COL22A1: variants seen among roughly 807,000 people sequenced by gnomAD.
COL22A1 encodes collagen alpha-1(XXII) chain.
In COL22A1, 221 loss-of-function variants were observed where a neutral mutation model predicts 248.9. The observed-to-expected ratio is 0.89, with a 90% CI of 0.80 to 0.99. COL22A1 has a LOEUF of 0.99. Among genes scored for constraint, COL22A1 ranks in the 50% least tolerant of loss-of-function variants. The pLI, the probability that COL22A1 is intolerant of heterozygous loss-of-function variation, is 0.00. For synonymous variants in COL22A1, 891 were observed against 793.4 expected (o/e 1.12, Z -2.07); for missense variants, 2,240 against 2,179.0 (o/e 1.03, Z -0.56).
intron 41 of COL22A1, among the ~76,000 whole-genome samples, chr8:138,668,677 C>G (rs1474138673): frequency 1.3e-5 from 2 of 152,184 alleles, no homozygotes; most frequent in East Asian, 1.9e-4. Flanking sequence ...TCTCCGTAAT[C>G]TTTGATCTGA....
intron 11 of COL22A1, 29 bp from the exon 12 acceptor site, chr8:138,796,886 A>T: frequency 1.4e-6 from 2 of 1,460,344 alleles, no homozygotes; most frequent in Non-Finnish European, 1.9e-6. Context: ...GCAAAGATTC[A>T]CTACAGAGCA....
intron 59 of COL22A1, among the ~76,000 whole-genome samples, chr8:138,603,259 T>A (rs557531955): frequency 1.3e-5 from 2 of 152,258 alleles, no homozygotes; most frequent in South Asian, 4.2e-4. Flanking sequence ...TGGGCATGAG[T>A]TGATTCTAAC....
chr8:138,761,846 C>A (rs1833508543), intron 17 of COL22A1, among the ~76,000 whole-genome samples: 1 of 152,194 alleles, frequency 6.6e-6, no homozygotes, highest in East Asian at 1.9e-4. Context: ...GCAAGGTTAT[C>A]ATCGTCTTAT....
chr8:138,804,836 G>T (rs1362339104), intron 10 of COL22A1, among the ~76,000 whole-genome samples: 1 of 150,804 alleles, frequency 6.6e-6, no homozygotes, highest in South Asian at 2.1e-4. Context: ...TGGGGTGTGT[G>T]TGTGCATACG....
chr8:138,729,191 C>T (rs1830532470), intron 23 of COL22A1, among the ~76,000 whole-genome samples: 1 of 152,096 alleles, frequency 6.6e-6, no homozygotes, highest in Non-Finnish European at 1.5e-5. Context: ...GGATACAGCA[C>T]CCTGATCCCT....
chr8:138,886,158 G>A (rs1476887737), intron 1 of COL22A1, among the ~76,000 whole-genome samples: 2 of 152,158 alleles, frequency 1.3e-5, no homozygotes, highest in Non-Finnish European at 2.9e-5. Context: ...ATGAATGAGT[G>A]GATGAATGAA....
chr8:138,844,602 G>C (rs1821102269), intron 3 of COL22A1, among the ~76,000 whole-genome samples: 1 of 152,164 alleles, frequency 6.6e-6, no homozygotes, highest in Non-Finnish European at 1.5e-5. Flanking sequence ...GTAAGATTTA[G>C]CCTGATAGAC....
At chr8:138,831,198 C>A (rs1006102174) in intron 5 of COL22A1, among the ~76,000 whole-genome samples, 3 of 152,088 alleles carry the variant, frequency 2.0e-5, no homozygotes, top group Non-Finnish European at 4.4e-5. Flanking sequence ...ATTAAAAAAA[C>A]AAAAAGGATC....
At chr8:138,748,806 T>G (rs887007398) in intron 22 of COL22A1, among the ~76,000 whole-genome samples, 2 of 152,212 alleles carry the variant, frequency 1.3e-5, no homozygotes, top group African/African-American at 2.4e-5. Context: ...CTGAAGATGA[T>G]GGCAGTCACC....
chr8:138,703,669 G>C (rs1223169680), intron 30 of COL22A1, among the ~76,000 whole-genome samples: 2 of 152,138 alleles, frequency 1.3e-5, no homozygotes, highest in Admixed American at 6.5e-5. Context: ...GGGATCCAAG[G>C]TGGCTGAATA....
intron 3 of COL22A1, among the ~76,000 whole-genome samples, chr8:138,860,966 C>A (rs1183157953): frequency 6.6e-6 from 1 of 152,186 alleles, no homozygotes; most frequent in Non-Finnish European, 1.5e-5. Flanking sequence ...GGGAACTTCC[C>A]TCCATCTCCA....
intron 25 of COL22A1, 61 bp downstream of exon 25, chr8:138,724,554 C>T (rs1830150975): frequency 2.0e-6 from 3 of 1,521,140 alleles, no homozygotes; most frequent in African/African-American, 1.4e-5. Context: ...GGGCTCAGTG[C>T]TCCCCCCAGA....
At chr8:138,769,742 T>C (rs1007285682) in intron 16 of COL22A1, among the ~76,000 whole-genome samples, 2 of 152,188 alleles carry the variant, frequency 1.3e-5, no homozygotes, top group Admixed American at 6.5e-5. Context: ...TAAATACTTA[T>C]CACAGTCACT....
At chr8:138,848,224 G>T (rs370791585) in intron 3 of COL22A1, among the ~76,000 whole-genome samples, 14 of 152,178 alleles carry the variant, frequency 9.2e-5, no homozygotes, top group East Asian at 7.7e-4. Flanking sequence ...TAATGACAAA[G>T]ACACTGCTTC....
intron 3 of COL22A1, among the ~76,000 whole-genome samples, chr8:138,865,837 GT>G (rs1333340888): frequency 6.6e-6 from 1 of 151,310 alleles, no homozygotes; most frequent in Non-Finnish European, 1.5e-5. Context: ...GTGTGTATAT[GT>G]ATGCCTGTGA....
chr8:138,634,753 T>C (rs1821004970), intron 49 of COL22A1, among the ~76,000 whole-genome samples: 1 of 152,090 alleles, frequency 6.6e-6, no homozygotes, highest in Admixed American at 6.6e-5. Context: ...AAAGAAGAAG[T>C]CTGTCTGTCT....
intron 16 of COL22A1, among the ~76,000 whole-genome samples, chr8:138,771,966 C>T (rs1457081231): frequency 6.6e-6 from 1 of 152,190 alleles, no homozygotes; most frequent in South Asian, 2.1e-4. Flanking sequence ...GAGACGGTTC[C>T]TGCTGTGGAC....
In COL22A1 at chr8:138,630,681, C is replaced by A. The variant is rs765303914; in HGVS notation, c.3663+14G>T. ...GACAGATTAAAAACAGATCCCATTC[C>A]TTGAGGAACTTACAGGTGACCCTTG... On this transcript the variant is annotated intron_variant, in intron 50 of 64. Transcript: ENST00000303045. 6.2e-7 allele frequency: 1 copy of A among 1,612,036 alleles called. No individual in the cohort carries two copies. The highest frequency in any genetic ancestry group is 1.7e-5 in the Admixed American group (1 of 59,994).
intron 5 of COL22A1, among the ~76,000 whole-genome samples, chr8:138,831,090 C>T (rs1360603628): frequency 2.6e-5 from 4 of 152,284 alleles, no homozygotes; most frequent in South Asian, 4.1e-4. Context: ...TCTGTAGAAT[C>T]GCTCTTGGAA....
Sources: gnomAD v4.1 joint callset for allele counts (sites outside exome capture counted in the v4.1 genomes callset) on GRCh38, gnomAD v4.1.1 for gene constraint, MANE v1.5 for transcripts, NCBI Gene and HGNC (gene_info 2026-07-23, HGNC 2026-07-21) for gene names.